Variants in GPATCH1 observed in about 807,000 individuals in gnomAD.
GPATCH1 encodes the protein G patch domain-containing protein 1.
A neutral mutation model predicts 114.9 loss-of-function variants in GPATCH1; 73 were observed. The observed-to-expected ratio is 0.64, with a 90% CI of 0.53 to 0.77. The LOEUF is 0.77. Ranked by LOEUF, GPATCH1 falls within the 30% of genes least tolerant of loss-of-function variation. The pLI is 0.00. For synonymous variants in GPATCH1, 391 were observed against 428.4 expected (o/e 0.91, Z 1.08); for missense variants, 1,058 against 1,144.3 (o/e 0.92, Z 1.09).
intron 19 of GPATCH1, among the ~76,000 whole-genome samples, chr19:33,129,418 TAA>T (rs775961548): frequency 2.2e-5 from 3 of 137,024 alleles, no homozygotes; most frequent in African/African-American, 8.0e-5. Flanking sequence ...ATAAAAAAAT[TAA>T]AAAAAAAAAA....
Position 33,096,251 on chromosome 19 carries a change from C to T in GPATCH1, c.657C>T (p.Pro219=), listed in dbSNP as rs376707938. 1 of 1,613,164 alleles carries T rather than the reference C, an allele frequency of 6.2e-7. No individual in the cohort carries two copies. The change falls in exon 7 of 20, where the codon CCC becomes CCT. Residue 219 remains proline (P), a synonymous_variant. Transcript: ENST00000170564. Reference sequence around the variant, plus strand: ...TGCCTGATAATGTGACCTTTGCACCCAAAGATGTCACACCTGTGGATTTCA... The same window carrying T: ...TGCCTGATAATGTGACCTTTGCACCTAAAGATGTCACACCTGTGGATTTCA... The part of the protein sequence containing the change: ...DYLPDNVTFA[P]KDVTPVDFTP...
intron 3 of GPATCH1, among the ~76,000 whole-genome samples, chr19:33,092,608 A>C (rs1010119683): frequency 2.6e-5 from 4 of 152,226 alleles, no homozygotes; most frequent in Admixed American, 2.6e-4. Flanking sequence ...GGACTCTGCA[A>C]GGAAAGAGGA....
At chr19:33,081,504 C>T (rs1749005188) in intron 1 of GPATCH1, among the ~76,000 whole-genome samples, 1 of 152,076 alleles carries the variant, frequency 6.6e-6, no homozygotes, top group African/African-American at 2.4e-5. Context: ...GAGATAGAAA[C>T]AAGAAAATGA....
intron 8 of GPATCH1, among the ~76,000 whole-genome samples, chr19:33,100,928 A>G (rs1347413251): frequency 1.3e-5 from 2 of 152,132 alleles, no homozygotes; most frequent in African/African-American, 4.8e-5. Context: ...CCAGAAGACG[A>G]TCCCCACCTC....
At chr19:33,104,175 CAA>C (rs778465436) in intron 9 of GPATCH1, among the ~76,000 whole-genome samples, 7 of 125,456 alleles carry the variant, frequency 5.6e-5, no homozygotes, top group Non-Finnish European at 6.9e-5. Flanking sequence ...ACAAAAAATA[CAA>C]AAAAAAAAAA....
rs1374724390 is a variant in GPATCH1 at position 33,118,266 on chromosome 19, C to A, written c.2413+225C>A. Among the ~76,000 whole-genome samples, 6 of 150,392 alleles carry A rather than the reference C, an allele frequency of 4.0e-5. No individual in the cohort carries two copies. In the Admixed American group the frequency reaches 4.0e-4, roughly 10 times the overall value. On this transcript the variant is annotated intron_variant, in intron 16 of 19. Coordinates refer to ENST00000170564, the MANE Select transcript of GPATCH1 (RefSeq NM_018025.3). ...AATCTTCGGCTCACTGCAGCTTCCA[C>A]CTCCTGGGCTCAAGCAATCCTCCCA...
chr19:33,088,651 A>G (rs899587390), intron 2 of GPATCH1, among the ~76,000 whole-genome samples: 2 of 96,878 alleles, frequency 2.1e-5, no homozygotes, highest in African/African-American at 9.1e-5. Context: ...GCACCCGGCC[A>G]CCTTTGCTTT....
At chr19:33,097,418 A>G (rs575987065) in intron 7 of GPATCH1, among the ~76,000 whole-genome samples, 3 of 152,030 alleles carry the variant, frequency 2.0e-5, no homozygotes, top group Non-Finnish European at 2.9e-5. Flanking sequence ...GTTGATGAAC[A>G]TTTCTTCCTT....
intron 1 of GPATCH1, among the ~76,000 whole-genome samples, chr19:33,082,960 C>T (rs1221217801): frequency 1.3e-5 from 2 of 151,870 alleles, no homozygotes; most frequent in South Asian, 2.1e-4. Context: ...GAGATGAGGC[C>T]GGGCGTGGTG....
At chr19:33,093,270 C>CT (rs35647730) in intron 3 of GPATCH1, 89 bp from the exon 4 acceptor site, 224,343 of 711,640 alleles carry the variant, frequency 0.32, 20,944 homozygotes, top group African/African-American at 0.65. Context: ...GTAGTTTTAA[C>CT]TTTTTTTTTT....
chr19:33,098,865 C>T (rs1056540891), intron 8 of GPATCH1, among the ~76,000 whole-genome samples: 2 of 151,918 alleles, frequency 1.3e-5, no homozygotes, highest in African/African-American at 2.4e-5. Context: ...GAGACTTAAC[C>T]TCCGGGTGGT....
intron 3 of GPATCH1, 64 bp from the exon 4 acceptor site, chr19:33,093,295 C>A: frequency 3.9e-6 from 4 of 1,025,330 alleles, no homozygotes; most frequent in South Asian, 1.6e-5. Context: ...AGAAATAAAA[C>A]TATGTGATGT....
chr19:33,122,983 G>C (rs1973001989), intron 17 of GPATCH1, among the ~76,000 whole-genome samples: 1 of 151,826 alleles, frequency 6.6e-6, no homozygotes, highest in South Asian at 2.1e-4. Flanking sequence ...GAAGTGGGAG[G>C]ATTGCTTGAG....
intron 19 of GPATCH1, among the ~76,000 whole-genome samples, chr19:33,129,606 G>GGTGA (rs1973080507): frequency 6.6e-6 from 1 of 151,976 alleles, no homozygotes; most frequent in Non-Finnish European, 1.5e-5. Flanking sequence ...ACGAGGTGTG[G>GGTGA]GTGAGTGAGT....
Position 33,125,179 on chromosome 19 carries a change from G to C in GPATCH1, c.2596G>C (p.Glu866Gln), listed in dbSNP as rs1000808683. 1.3e-6 allele frequency: 2 copies of C among 1,595,056 alleles called. No individual in the cohort carries two copies. Among genetic ancestry groups the C allele is most frequent in the African/African-American group, 2.7e-5 (2 of 74,054 alleles). The change falls in exon 18 of 20, where the codon GAG becomes CAG. Residue 866 changes from glutamate to glutamine, a missense_variant. Around this residue, in one of 3 missense-constraint regions of GPATCH1, gnomAD observed 893 missense variants for 977.4 expected, o/e 0.91. Transcript: ENST00000170564. ...KNKDKHKAKK[E>Q]HRRKKEKKKK... ...CAAAGACAAGCACAAGGCCAAGAAAGAGCACAGGCGGAAGAAAGAGAAGGT... is the reference window on the plus strand; with the variant it reads ...CAAAGACAAGCACAAGGCCAAGAAACAGCACAGGCGGAAGAAAGAGAAGGT...
intron 1 of GPATCH1, 126 bp downstream of exon 1, chr19:33,081,392 G>A: frequency 2.4e-6 from 2 of 818,822 alleles, no homozygotes; most frequent in African/African-American, 1.7e-5. Flanking sequence ...ACACGGCGAC[G>A]AGGGAGGCGT....
intron 9 of GPATCH1, among the ~76,000 whole-genome samples, chr19:33,103,920 A>C (rs908940383): frequency 1.3e-5 from 2 of 152,102 alleles, no homozygotes; most frequent in Admixed American, 1.3e-4. Flanking sequence ...GGGCAGGAAC[A>C]CTTCAGAGGA....
At chr19:33,125,304 A>G in intron 18 of GPATCH1, 102 bp downstream of exon 18, 1 of 1,268,450 alleles carries the variant, frequency 7.9e-7, no homozygotes, top group Non-Finnish European at 1.1e-6. Flanking sequence ...TCTGGTGGCC[A>G]AGTCACAGTT....
intron 10 of GPATCH1, among the ~76,000 whole-genome samples, chr19:33,107,999 G>T (rs531384239): frequency 6.6e-6 from 1 of 151,498 alleles, no homozygotes; most frequent in Non-Finnish European, 1.5e-5. Context: ...ATCCCTCCCC[G>T]CTTCCCCGGG....
Sources: gnomAD v4.1 joint callset for allele counts (sites outside exome capture counted in the v4.1 genomes callset) on GRCh38, gnomAD v4.1.1 for gene constraint, gnomAD v4.1.1 regional missense constraint, MANE v1.5 for transcripts, NCBI Gene and HGNC (gene_info 2026-07-23, HGNC 2026-07-21) for gene names.